ADAMTS12: variants seen among roughly 807,000 people sequenced by gnomAD.
The protein encoded by ADAMTS12 is A disintegrin and metalloproteinase with thrombospondin motifs 12.
Under a neutral mutation model 167.8 loss-of-function variants are expected in ADAMTS12, and 118 were observed. The ratio of observed to expected loss-of-function variants is 0.70; its 90% CI spans 0.61 to 0.82. The LOEUF (loss-of-function observed/expected upper bound fraction) is 0.82, where lower values mean the gene tolerates loss of function less well. Among genes scored for constraint, ADAMTS12 ranks in the 40% least tolerant of loss-of-function variants. The probability of loss-of-function intolerance (pLI) is 0.00; values close to 1 mark genes in which losing one functional copy is unlikely to be tolerated. For synonymous variants in ADAMTS12, 704 were observed against 716.9 expected (o/e 0.98, Z 0.29); for missense variants, 1,916 against 1,998.8 (o/e 0.96, Z 0.79).
In ADAMTS12 at chr5:33,576,325, G is replaced by T. The variant is rs1399440267; in HGVS notation, c.3701C>A (p.Pro1234His). The change falls in exon 19 of 24, where the codon CCC (proline) becomes CAC (histidine). Residue 1234 changes from proline to histidine, a missense_variant. Transcript: ENST00000504830. ...TTCAGTAACCATCCCCTCAACTCTG[G>T]GTGTCCCAGTTTCGGAAGTAGTGGG... ...QRPTTSETGTPRVEGMVTEKP... is the reference protein window; with the variant it reads ...QRPTTSETGTHRVEGMVTEKP... 6.2e-7 allele frequency: 1 copy of T among 1,614,126 alleles called. No homozygotes were observed. Among genetic ancestry groups the T allele is most frequent in the African/African-American group, 1.3e-5 (1 of 75,010 alleles).
rs539951597 is a variant in ADAMTS12 at position 33,779,128 on chromosome 5, C to T, written c.490-27580G>A. On this transcript the variant is annotated intron_variant, in intron 2 of 23. Transcript: ENST00000504830. ...CCTTAAAAAATTAAAAATAGAAGTACCATATGATCCATCAATCTCACTTCT... is the reference window on the plus strand; with the variant it reads ...CCTTAAAAAATTAAAAATAGAAGTATCATATGATCCATCAATCTCACTTCT... Among the ~76,000 whole-genome samples the T allele has an allele frequency of 2.0e-5, 3 of 151,684 alleles. No homozygotes were observed. In the South Asian group the frequency reaches 6.2e-4, roughly 32 times the overall value.
At chr5:33,531,178 G>A (rs1744082456) in intron 23 of ADAMTS12, among the ~76,000 whole-genome samples, 1 of 152,334 alleles carries the variant, frequency 6.6e-6, no homozygotes, top group South Asian at 2.1e-4. Flanking sequence ...AGTGATGGCC[G>A]GCAACCGCCA....
intron 12 of ADAMTS12, among the ~76,000 whole-genome samples, chr5:33,632,238 T>C (rs10941075): frequency 0.51 from 76,924 of 151,826 alleles, 21,207 homozygotes; most frequent in Non-Finnish European, 0.6. Flanking sequence ...CTCTGGGGAC[T>C]CCAAAAGTAA....
intron 21 of ADAMTS12, among the ~76,000 whole-genome samples, chr5:33,546,617 A>G (rs1446530214): frequency 1.3e-5 from 2 of 152,204 alleles, no homozygotes. Flanking sequence ...TTTAGAATTA[A>G]ATTTGTCCAT....
chr5:33,712,294 A>C (rs1350539493), intron 3 of ADAMTS12, among the ~76,000 whole-genome samples: 1 of 152,170 alleles, frequency 6.6e-6, no homozygotes, highest in Admixed American at 6.6e-5. Context: ...CAGGACTTCG[A>C]ATGATGGCAG....
chr5:33,583,744 C>T (rs1273088337), intron 18 of ADAMTS12, among the ~76,000 whole-genome samples: 1 of 152,178 alleles, frequency 6.6e-6, no homozygotes, highest in East Asian at 1.9e-4. Context: ...TGATGATCAA[C>T]GATATTGAGC....
intron 20 of ADAMTS12, among the ~76,000 whole-genome samples, chr5:33,557,621 C>A (rs952591197): frequency 3.3e-5 from 5 of 151,938 alleles, no homozygotes; most frequent in African/African-American, 1.2e-4. Flanking sequence ...CAAAGTGAGA[C>A]CCCATCTCAA....
intron 2 of ADAMTS12, among the ~76,000 whole-genome samples, chr5:33,774,626 G>A (rs1259286488): frequency 6.7e-6 from 1 of 149,324 alleles, no homozygotes; most frequent in African/African-American, 2.5e-5. Context: ...ATAGAAGATT[G>A]AAAAGTTGAA....
At chr5:33,823,261 A>C (rs1459235059) in intron 2 of ADAMTS12, among the ~76,000 whole-genome samples, 1 of 152,218 alleles carries the variant, frequency 6.6e-6, no homozygotes, top group Non-Finnish European at 1.5e-5. Flanking sequence ...CCAAACTGGT[A>C]ACATGAATGA....
intron 10 of ADAMTS12, 49 bp downstream of exon 10, chr5:33,643,329 G>T: frequency 6.3e-7 from 1 of 1,596,306 alleles, no homozygotes. Flanking sequence ...CTCCTCCCAA[G>T]AACTCTGCCC....
chr5:33,834,685 T>C (rs556975278), intron 2 of ADAMTS12, among the ~76,000 whole-genome samples: 82 of 152,306 alleles, frequency 5.4e-4, no homozygotes, highest in African/African-American at 1.7e-3. Context: ...CCCATACACA[T>C]ACCTTTCACC....
intron 1 of ADAMTS12, 24 bp downstream of exon 1, chr5:33,891,706 A>T: frequency 4.3e-6 from 7 of 1,613,328 alleles, no homozygotes; most frequent in Non-Finnish European, 5.9e-6. Context: ...CTGTTTTAAA[A>T]AGAAATAAAG....
chr5:33,716,532 A>T (rs1414505284), intron 3 of ADAMTS12, among the ~76,000 whole-genome samples: 1 of 152,078 alleles, frequency 6.6e-6, no homozygotes, highest in East Asian at 1.9e-4. Flanking sequence ...CTCGCTTATT[A>T]TATACACATT....
chr5:33,830,041 G>T lies in ADAMTS12; in HGVS notation c.489+51078C>A, dbSNP rs142970514. ...CCAGACAGCCCAAACTGGAAGACAG[G>T]TCAGTGGCTTTGATATAAATCAAAG... On this transcript the variant is annotated intron_variant, in intron 2 of 23. Transcript: ENST00000504830. Among the ~76,000 whole-genome samples, 6 of 152,202 alleles carry T rather than the reference G, an allele frequency of 3.9e-5. 1 individual carries two copies. Among genetic ancestry groups the T allele is most frequent in the Admixed American group, 3.3e-4 (5 of 15,280 alleles).
intron 2 of ADAMTS12, among the ~76,000 whole-genome samples, chr5:33,861,743 T>C (rs1166166420): frequency 6.6e-6 from 1 of 152,128 alleles, no homozygotes; most frequent in African/African-American, 2.4e-5. Context: ...TAGCACCATA[T>C]TGCACTTATT....
At chr5:33,609,649 T>C (rs911892706) in intron 16 of ADAMTS12, among the ~76,000 whole-genome samples, 1 of 152,158 alleles carries the variant, frequency 6.6e-6, no homozygotes, top group African/African-American at 2.4e-5. Flanking sequence ...TTCTACTTAA[T>C]ATGAGTTCTG....
chr5:33,624,333 C>T lies in ADAMTS12; in HGVS notation c.2041G>A (p.Glu681Lys), dbSNP rs145377222. The change falls in exon 14 of 24, where the codon GAG becomes AAG. Residue 681 changes from glutamate (E) to lysine (K), a missense_variant. Glu to Lys is a moderately conservative substitution (Grantham distance 56). Coordinates refer to ENST00000504830, the MANE Select transcript of ADAMTS12 (RefSeq NM_030955.4). The stretch of plus-strand genomic sequence containing the variant: ...TCCTCGGTGGCATTGGAATCGATCT[C>T]ATAGTCACAGCCAACCATCTGTGGG... Reference protein sequence around the residue: ...GICKMVGCDYEIDSNATEDRC... With the variant: ...GICKMVGCDYKIDSNATEDRC... 1 of 1,613,938 alleles carries T rather than the reference C, an allele frequency of 6.2e-7. No homozygotes were observed. The highest frequency in any genetic ancestry group is 1.3e-5 in the African/African-American group (1 of 74,924).
intron 3 of ADAMTS12, among the ~76,000 whole-genome samples, chr5:33,748,776 G>A (rs1016198946): frequency 2.6e-5 from 4 of 152,058 alleles, no homozygotes; most frequent in African/African-American, 9.7e-5. Context: ...CTTTAATGTT[G>A]GTTAATGACA....
intron 2 of ADAMTS12, among the ~76,000 whole-genome samples, chr5:33,777,635 G>A (rs1371411794): frequency 6.6e-6 from 1 of 152,016 alleles, no homozygotes; most frequent in Non-Finnish European, 1.5e-5. Context: ...GATACCTACT[G>A]TCACCATTTC....
Sources: allele counts gnomAD v4.1 joint callset (sites outside exome capture counted in the v4.1 genomes callset), GRCh38; gene constraint gnomAD v4.1.1; transcripts MANE v1.5; gene names NCBI Gene and HGNC (gene_info 2026-07-23, HGNC 2026-07-21).